CSMD1: variants seen among roughly 807,000 people sequenced by gnomAD.
The protein encoded by CSMD1 is CUB and sushi domain-containing protein 1.
Under a neutral mutation model 417.5 loss-of-function variants are expected in CSMD1, and 213 were observed. The ratio of observed to expected loss-of-function variants is 0.51; its 90% CI spans 0.46 to 0.57. The LOEUF (loss-of-function observed/expected upper bound fraction) is 0.57. Among genes scored for constraint, CSMD1 ranks in the 20% least tolerant of loss-of-function variants. The pLI is 0.00. For synonymous variants in CSMD1, 2,862 were observed against 1,736.8 expected (o/e 1.65, Z -16.11); for missense variants, 6,923 against 4,529.7 (o/e 1.53, Z -15.17).
chr8:3,649,087 A>G (rs907302897), intron 7 of CSMD1, among the ~76,000 whole-genome samples: 2 of 152,184 alleles, frequency 1.3e-5, no homozygotes, highest in Non-Finnish European at 2.9e-5. Flanking sequence ...GTCTTTCTCT[A>G]GCACTCTGTC....
At chr8:4,243,686 A>C (rs1052150720) in intron 3 of CSMD1, among the ~76,000 whole-genome samples, 2 of 152,128 alleles carry the variant, frequency 1.3e-5, no homozygotes, top group Non-Finnish European at 2.9e-5. Context: ...TTTTTGATTA[A>C]ATTTCCATCT....
chr8:4,149,166 G>A (rs962270431), intron 3 of CSMD1, among the ~76,000 whole-genome samples: 1 of 152,032 alleles, frequency 6.6e-6, no homozygotes, highest in African/African-American at 2.4e-5. Context: ...GTTTTCCCAT[G>A]TTGGCTAGGC....
chr8:4,973,735 G>A (rs1487024857), intron 1 of CSMD1, among the ~76,000 whole-genome samples: 1 of 152,160 alleles, frequency 6.6e-6, no homozygotes, highest in Non-Finnish European at 1.5e-5. Context: ...ACTTGCTGAT[G>A]TGCATTTATT....
chr8:4,195,046 A>T (rs1053909820), intron 3 of CSMD1, among the ~76,000 whole-genome samples: 1 of 152,208 alleles, frequency 6.6e-6, no homozygotes, highest in Non-Finnish European at 1.5e-5. Context: ...CAATTTAAAA[A>T]TTACAAAGCA....
At chr8:4,554,709 G>C (rs1046533008) in intron 2 of CSMD1, among the ~76,000 whole-genome samples, 2 of 152,132 alleles carry the variant, frequency 1.3e-5, no homozygotes, top group Non-Finnish European at 2.9e-5. Flanking sequence ...TAAAAATTAG[G>C]TTTGCAAGTT....
chr8:4,879,895 T>C lies in CSMD1; in HGVS notation c.85+114437A>G, dbSNP rs189671077. Reference sequence around the variant, plus strand: ...TCAATCAAATCAGTCAGGATGTTCTTACAAGTCTGGATTTTATCTCATTAA... The same window carrying C: ...TCAATCAAATCAGTCAGGATGTTCTCACAAGTCTGGATTTTATCTCATTAA... On this transcript the variant is annotated intron_variant, in intron 1 of 69. Transcript: ENST00000635120. Among the ~76,000 whole-genome samples the C allele has an allele frequency of 1.3e-3, 204 of 152,276 alleles. 1 individual carries two copies. Among genetic ancestry groups the C allele is most frequent in the Admixed American group, 7.3e-3 (111 of 15,292 alleles).
intron 28 of CSMD1, among the ~76,000 whole-genome samples, chr8:3,223,175 C>T (rs185722121): frequency 5.0e-4 from 76 of 152,222 alleles, no homozygotes; most frequent in Admixed American, 3.3e-3. Context: ...AAAATGACTA[C>T]AGTATTAGAC....
At chr8:3,206,364 A>T (rs1297686057) in intron 30 of CSMD1, among the ~76,000 whole-genome samples, 1 of 69,256 alleles carries the variant, frequency 1.4e-5, no homozygotes, top group African/African-American at 6.0e-5. Flanking sequence ...GTATGTGTGT[A>T]TTGGGGGTAT....
At chr8:3,518,023 A>G (rs998162477) in intron 10 of CSMD1, among the ~76,000 whole-genome samples, 2 of 152,320 alleles carry the variant, frequency 1.3e-5, no homozygotes, top group African/African-American at 4.8e-5. Context: ...CAACTCTAGA[A>G]AATTATCTCC....
chr8:3,401,252 A>G (rs959701371), intron 15 of CSMD1, among the ~76,000 whole-genome samples: 5 of 152,118 alleles, frequency 3.3e-5, no homozygotes, highest in African/African-American at 4.8e-5. Flanking sequence ...AATCTGCATG[A>G]TAAGTTATTT....
intron 3 of CSMD1, among the ~76,000 whole-genome samples, chr8:4,377,212 G>C (rs990602824): frequency 2.0e-5 from 3 of 152,122 alleles, no homozygotes; most frequent in Admixed American, 6.6e-5. Flanking sequence ...GGCTGAGAGC[G>C]CAAAAGAGGA....
chr8:4,246,429 G>T (rs1029848897), intron 3 of CSMD1, among the ~76,000 whole-genome samples: 2 of 152,016 alleles, frequency 1.3e-5, no homozygotes, highest in African/African-American at 4.8e-5. Flanking sequence ...GTAGAGAAAG[G>T]GCACTCCATT....
At chr8:3,331,897 G>C (rs553679032) in intron 23 of CSMD1, among the ~76,000 whole-genome samples, 1 of 152,264 alleles carries the variant, frequency 6.6e-6, no homozygotes, top group South Asian at 2.1e-4. Flanking sequence ...GTCCTCCAGA[G>C]AGAAATTCAG....
At chr8:4,261,409 G>C (rs796228934) in intron 3 of CSMD1, among the ~76,000 whole-genome samples, 2 of 152,176 alleles carry the variant, frequency 1.3e-5, no homozygotes, top group African/African-American at 4.8e-5. Context: ...AGGGGCTGGG[G>C]AGAGGGGAAA....
chr8:3,889,897 T>A (rs548302408), intron 5 of CSMD1, among the ~76,000 whole-genome samples: 1 of 152,228 alleles, frequency 6.6e-6, no homozygotes, highest in East Asian at 1.9e-4. Context: ...AAAATTACTT[T>A]CTGAGTTGCG....
At chr8:4,302,586 A>G (rs565928116) in intron 3 of CSMD1, among the ~76,000 whole-genome samples, 3 of 152,248 alleles carry the variant, frequency 2.0e-5, no homozygotes, top group South Asian at 4.2e-4. Context: ...CTATACGATA[A>G]TGCACCGTAA....
At chr8:4,005,301 T>A (rs1450841448) in intron 4 of CSMD1, among the ~76,000 whole-genome samples, 1 of 151,878 alleles carries the variant, frequency 6.6e-6, no homozygotes, top group Non-Finnish European at 1.5e-5. Flanking sequence ...AATAAAATAA[T>A]AAAAAAAGTT....
At chr8:4,849,626 G>A (rs553503115) in intron 1 of CSMD1, among the ~76,000 whole-genome samples, 1 of 152,168 alleles carries the variant, frequency 6.6e-6, no homozygotes, top group South Asian at 2.1e-4. Flanking sequence ...TTTTAAAAAT[G>A]CTCTAATACA....
intron 12 of CSMD1, among the ~76,000 whole-genome samples, chr8:3,417,613 T>C (rs886676879): frequency 2.6e-5 from 4 of 152,166 alleles, no homozygotes; most frequent in Admixed American, 2.0e-4. Flanking sequence ...ATGAACAGAT[T>C]AAAATGGCCC....
Sources: gnomAD v4.1 joint callset for allele counts (sites outside exome capture counted in the v4.1 genomes callset) on GRCh38, gnomAD v4.1.1 for gene constraint, MANE v1.5 for transcripts, NCBI Gene and HGNC (gene_info 2026-07-23, HGNC 2026-07-21) for gene names.